Variants in FGF18 observed in about 807,000 individuals in gnomAD.
The protein encoded by FGF18 is fibroblast growth factor 18.
A neutral mutation model predicts 23.0 loss-of-function variants in FGF18; 5 were observed. The observed-to-expected ratio is 0.22, with a 90% CI of 0.11 to 0.46. The LOEUF (loss-of-function observed/expected upper bound fraction) is 0.46, where lower values mean the gene tolerates loss of function less well. Ranked by LOEUF, FGF18 falls within the 20% of genes least tolerant of loss-of-function variation. FGF18 has a pLI of 0.99. For synonymous variants in FGF18, 117 were observed against 118.9 expected (o/e 0.98, Z 0.10); for missense variants, 180 against 291.6 (o/e 0.62, Z 2.79).
At chr5:171,422,340 C>T (rs1772022888) in intron 2 of FGF18, among the ~76,000 whole-genome samples, 3 of 152,136 alleles carry the variant, frequency 2.0e-5, no homozygotes, top group Admixed American at 2.0e-4. Flanking sequence ...CCACCACCTC[C>T]ACCTTCCCCC....
chr5:171,430,357 C>CAA lies in FGF18; in HGVS notation c.70-5718_70-5717dup, dbSNP rs397884738. 1.7e-3 allele frequency among the ~76,000 whole-genome samples: 164 copies of CAA among 94,826 alleles called. 1 individual carries two copies. The highest frequency in any genetic ancestry group is 3.9e-3 in the African/African-American group (101 of 25,768). 62.2% of individuals were successfully genotyped at this position (94,826 alleles called of 152,430 possible). A position where few individuals can be genotyped will look rare whatever the true frequency, so the allele number is the denominator to read the frequency against. ...TGGGCAACAGAGTAAGACTGTGTCT[C>CAA]AAAAAAAAAAAAAAAAAAATTGTAC... On this transcript the variant is annotated intron_variant, in intron 2 of 4. Transcript: ENST00000274625.
At chr5:171,428,998 T>C (rs1772139268) in intron 2 of FGF18, among the ~76,000 whole-genome samples, 1 of 152,146 alleles carries the variant, frequency 6.6e-6, no homozygotes, top group African/African-American at 2.4e-5. Flanking sequence ...AATCAATACA[T>C]TGATAGCCCT....
intron 2 of FGF18, among the ~76,000 whole-genome samples, chr5:171,435,744 A>G (rs1444393310): frequency 1.3e-5 from 2 of 151,994 alleles, no homozygotes. Flanking sequence ...CTACCCTGGG[A>G]TGGAATCAGG....
rs1218856948 is a variant in FGF18, at chr5:171,436,597, C to T, written c.250+324C>T. ...TGGCTGTTCCCATGCCACCACTCAC[C>T]AGCCCCAGGTTCAGCCACTTCAAGG... On this transcript the variant is annotated intron_variant, in intron 3 of 4. Transcript: ENST00000274625. The surrounding 1 kb of genome is among the most constrained non-coding windows in gnomAD (Gnocchi z 4.4). Among the ~76,000 whole-genome samples, 1 of 152,212 alleles carries T rather than the reference C, an allele frequency of 6.6e-6. No homozygotes were observed. Among genetic ancestry groups the T allele is most frequent in the Non-Finnish European group, 1.5e-5 (1 of 68,044 alleles).
chr5:171,453,055 G>A (rs937885559), intron 4 of FGF18, among the ~76,000 whole-genome samples: 7 of 152,162 alleles, frequency 4.6e-5, no homozygotes, highest in Non-Finnish European at 8.8e-5. Context: ...CATCATCAGG[G>A]TTCTGGGATG....
At chr5:171,428,709 G>T (rs1772134327) in intron 2 of FGF18, among the ~76,000 whole-genome samples, 1 of 152,164 alleles carries the variant, frequency 6.6e-6, no homozygotes, top group Admixed American at 6.5e-5. Flanking sequence ...TTGAATGCTG[G>T]AATAAAGGGC....
rs560300423 is a variant in FGF18 at position 171,427,066 on chromosome 5, C to T, written c.69+6623C>T. Among the ~76,000 whole-genome samples, 297 of 152,074 alleles carry T rather than the reference C, an allele frequency of 2.0e-3. 1 individual carries two copies. Among genetic ancestry groups the T allele is most frequent in the African/African-American group, 6.2e-3 (258 of 41,494 alleles). On this transcript the variant is annotated intron_variant, in intron 2 of 4. Transcript: ENST00000274625. Reference sequence around the variant, plus strand: ...CCTACTAAAAATAGAAAAAATTAGCCGGGCATAGTGGGTGCCTGTGATCCC... The same window carrying T: ...CCTACTAAAAATAGAAAAAATTAGCTGGGCATAGTGGGTGCCTGTGATCCC...
intron 2 of FGF18, among the ~76,000 whole-genome samples, chr5:171,420,923 A>G: frequency 6.6e-6 from 1 of 152,220 alleles, no homozygotes; most frequent in Non-Finnish European, 1.5e-5. Flanking sequence ...GCACTGAGAC[A>G]CACACACAGA....
At position 171,440,931 on chromosome 5, in the gene FGF18, A is replaced by C. The variant is rs893925244; in HGVS notation, c.250+4658A>C. On this transcript the variant is annotated intron_variant, in intron 3 of 4. Transcript: ENST00000274625. This position sits in a 1 kb window ranked among gnomAD's most constrained non-coding sequence, Gnocchi z 4.0. ...GCGAGAGTGTGAGCTCCTTGGAGGG[A>C]GTGACTTTGTCTTGCTCTTTGCCAT... 1.3e-5 allele frequency among the ~76,000 whole-genome samples: 2 copies of C among 152,096 alleles called. No homozygotes were observed. Among genetic ancestry groups the C allele is most frequent in the Middle Eastern group, 3.2e-3 (1 of 314 alleles).
At chr5:171,443,013 C>G (rs956197168) in intron 3 of FGF18, among the ~76,000 whole-genome samples, 1 of 152,234 alleles carries the variant, frequency 6.6e-6, no homozygotes, top group Non-Finnish European at 1.5e-5. Flanking sequence ...AGACTCTGGT[C>G]AAGCAATTTA....
chr5:171,446,626 G>A (rs923546993), intron 3 of FGF18, among the ~76,000 whole-genome samples: 1 of 152,102 alleles, frequency 6.6e-6, no homozygotes, highest in Non-Finnish European at 1.5e-5. Context: ...GGTTGTCTGG[G>A]CCCCAGCTCA....
At chr5:171,422,421 C>T (rs1772027833) in intron 2 of FGF18, among the ~76,000 whole-genome samples, 1 of 152,124 alleles carries the variant, frequency 6.6e-6, no homozygotes, top group Non-Finnish European at 1.5e-5. Context: ...TCCATGTACC[C>T]TTGGAGTGTC....
At position 171,451,618 on chromosome 5, in the gene FGF18, G is replaced by A. The variant is rs1245293317; in HGVS notation, c.357+2365G>A. ...TTCTACAGCACATACGGCATTGGAGGGCGGCACATGACCTGCCCTCCACCC... is the reference window on the plus strand; with the variant it reads ...TTCTACAGCACATACGGCATTGGAGAGCGGCACATGACCTGCCCTCCACCC... On this transcript the variant is annotated intron_variant, in intron 4 of 4. Coordinates refer to ENST00000274625, the MANE Select transcript of FGF18 (RefSeq NM_003862.3). The surrounding 1 kb of genome is among the most constrained non-coding windows in gnomAD (Gnocchi z 4.5). Among the ~76,000 whole-genome samples, 2 of 152,134 alleles carry A rather than the reference G, an allele frequency of 1.3e-5. No homozygotes were observed. The highest frequency in any genetic ancestry group is 4.8e-5 in the African/African-American group (2 of 41,444).
intron 3 of FGF18, among the ~76,000 whole-genome samples, chr5:171,445,888 A>G (rs1196530695): frequency 1.3e-5 from 2 of 152,060 alleles, no homozygotes; most frequent in Non-Finnish European, 2.9e-5. Context: ...AGCCCGGATG[A>G]GGTTTCCAGC....
At chr5:171,432,484 T>C (rs974196194) in intron 2 of FGF18, among the ~76,000 whole-genome samples, 2 of 152,134 alleles carry the variant, frequency 1.3e-5, no homozygotes, top group Admixed American at 6.6e-5. Context: ...TCTCGGCTCA[T>C]GGCAACCTCT....
At chr5:171,439,530 C>T (rs1561887838) in intron 3 of FGF18, among the ~76,000 whole-genome samples, 1 of 152,212 alleles carries the variant, frequency 6.6e-6, no homozygotes, top group African/African-American at 2.4e-5. Flanking sequence ...AGGCAGTTGC[C>T]ATGTCATAGA....
chr5:171,437,546 GT>G (rs1581274432), intron 3 of FGF18, among the ~76,000 whole-genome samples: 2 of 152,080 alleles, frequency 1.3e-5, no homozygotes, highest in African/African-American at 4.8e-5. Flanking sequence ...TCCCCGTTTT[GT>G]TTTTGTCCAC....
At position 171,440,228 on chromosome 5, in the gene FGF18, G is replaced by GC. The variant is rs1561888070; in HGVS notation, c.250+3955_250+3956insC. ...TGACCTCCTTACTATGGGTGTGTGG[G>GC]GGGGGGTGGTGCCATCGCGGGCTCA... On this transcript the variant is annotated intron_variant, in intron 3 of 4. Transcript: ENST00000274625. This position sits in a 1 kb window ranked among gnomAD's most constrained non-coding sequence, Gnocchi z 4.0. 6.6e-6 allele frequency among the ~76,000 whole-genome samples: 1 copy of GC among 151,992 alleles called. No homozygotes were observed. The highest frequency in any genetic ancestry group is 1.5e-5 in the Non-Finnish European group (1 of 67,964).
rs928248447 is a variant in FGF18, at chr5:171,419,704, G to A, written c.-496G>A. On this transcript the variant is annotated 5_prime_UTR_variant, in exon 1 of 5. Coordinates refer to ENST00000274625, the MANE Select transcript of FGF18 (RefSeq NM_003862.3). ...CGGAGGAGGAGACATGAGCCGGCGG[G>A]CGCCCAGACGGAGCGGCCGTGACGC... 1 of 151,618 alleles carries A rather than the reference G, an allele frequency of 6.6e-6. No individual in the cohort carries two copies. The highest frequency in any genetic ancestry group is 6.6e-5 in the Admixed American group (1 of 15,214). 9.4% of individuals were successfully genotyped at this position (151,618 alleles called of 1,614,324 possible). A position where few individuals can be genotyped will look rare whatever the true frequency, so the allele number is the denominator to read the frequency against.
Sources: allele counts gnomAD v4.1 joint callset (sites outside exome capture counted in the v4.1 genomes callset), GRCh38; gene constraint gnomAD v4.1.1; non-coding constraint Gnocchi (gnomAD v3.1); transcripts MANE v1.5; gene names NCBI Gene and HGNC (gene_info 2026-07-23, HGNC 2026-07-21).